The following TLN2 variants were observed in gnomAD, a reference collection of about 807,000 sequenced individuals.
TLN2 encodes the protein talin 2, also known as talin-2.
Under a neutral mutation model 294.7 loss-of-function variants are expected in TLN2, and 118 were observed. The ratio of observed to expected loss-of-function variants is 0.40; its 90% CI spans 0.34 to 0.47. The LOEUF (loss-of-function observed/expected upper bound fraction) is 0.47, where lower values mean the gene tolerates loss of function less well. Ranked by LOEUF, TLN2 falls within the 20% of genes least tolerant of loss-of-function variation. The probability of loss-of-function intolerance (pLI) is 0.84; values close to 1 mark genes in which losing one functional copy is unlikely to be tolerated. For missense variants in TLN2, 3,083 were observed against 3,282.2 expected, an observed-to-expected ratio of 0.94 and a Z score of 1.48; for synonymous variants, 1,431 against 1,304.5, an observed-to-expected ratio of 1.10 and a Z score of -2.09.
At chr15:62,545,365 C>T (rs2041933118) in intron 1 of TLN2, among the ~76,000 whole-genome samples, 2 of 152,104 alleles carry the variant, frequency 1.3e-5, no homozygotes, top group African/African-American at 4.8e-5. Context: ...AAAAAGTCCA[C>T]ATTTGTCTGT....
intron 1 of TLN2, among the ~76,000 whole-genome samples, chr15:62,586,295 ATTGC>A (rs767065683): frequency 7.5e-4 from 114 of 152,322 alleles, no homozygotes; most frequent in Non-Finnish European, 7.3e-4. Context: ...AAGTCTCATG[ATTGC>A]TCATCTCTGA....
chr15:62,484,780 C>G lies in TLN2; in HGVS notation c.-238+94095C>G, dbSNP rs1335980548. On this transcript the variant is annotated intron_variant, in intron 1 of 58. Transcript: ENST00000636159. ...GGCTTTGTGGGGCCAAGAGTGGACTCCAGGCTCCACTCACCTAACTTCTCA... is the reference window on the plus strand; with the variant it reads ...GGCTTTGTGGGGCCAAGAGTGGACTGCAGGCTCCACTCACCTAACTTCTCA... Among the ~76,000 whole-genome samples the G allele has an allele frequency of 5.3e-5, 8 of 152,168 alleles. No individual in the cohort carries two copies. The East Asian group carries it at 1.4e-3, about 26-fold the overall frequency.
chr15:62,736,109 G>A (rs1195591749), intron 28 of TLN2, among the ~76,000 whole-genome samples: 6 of 151,990 alleles, frequency 3.9e-5, no homozygotes, highest in Non-Finnish European at 8.8e-5. Context: ...TCAGGAGATC[G>A]AGACCATCCT....
intron 1 of TLN2, among the ~76,000 whole-genome samples, chr15:62,450,547 ATGTGTGTGTGTG>A (rs10591621): frequency 6.3e-4 from 86 of 136,140 alleles, no homozygotes; most frequent in African/African-American, 2.5e-3. Flanking sequence ...GTATGTATGT[ATGTGTGTGTGTG>A]TGTGTGTGTG....
chr15:62,460,872 T>C (rs1453469200), intron 1 of TLN2, among the ~76,000 whole-genome samples: 1 of 152,154 alleles, frequency 6.6e-6, no homozygotes, highest in African/African-American at 2.4e-5. Flanking sequence ...AGCCCCCTGA[T>C]ACCCCTGCTG....
chr15:62,734,109 AAC>A (rs2060877874), intron 28 of TLN2: 1 of 152,188 alleles, frequency 6.6e-6, no homozygotes, highest in Non-Finnish European at 1.5e-5. Context: ...CTTAGCAGAA[AAC>A]ACATGGGATG....
intron 10 of TLN2, among the ~76,000 whole-genome samples, chr15:62,674,386 G>T (rs2055875547): frequency 6.6e-6 from 1 of 152,148 alleles, no homozygotes. Context: ...AGTCTACTTT[G>T]ATCCTGAAAT....
At chr15:62,522,277 G>C (rs1876163071) in intron 1 of TLN2, among the ~76,000 whole-genome samples, 1 of 151,266 alleles carries the variant, frequency 6.6e-6, no homozygotes. Context: ...TTAGAGGGAA[G>C]ATACCAAGAA....
chr15:62,799,753 A>G (rs1003681537), intron 48 of TLN2, among the ~76,000 whole-genome samples: 13 of 152,224 alleles, frequency 8.5e-5, no homozygotes, highest in Admixed American at 6.5e-4. Context: ...AGTTTCAGCA[A>G]TTGTGGGAGT....
At position 62,639,400 on chromosome 15, in the gene TLN2, G is replaced by T. The variant is rs150803566; in HGVS notation, c.-36-7875G>T. Among the ~76,000 whole-genome samples the T allele has an allele frequency of 9.8e-5, 15 of 152,324 alleles. No individual in the cohort carries two copies. In the South Asian group the frequency reaches 1.0e-3, roughly 11 times the overall value. On this transcript the variant is annotated intron_variant, in intron 3 of 58. Coordinates refer to ENST00000636159, the MANE Select transcript of TLN2 (RefSeq NM_015059.3). ...GAATTCTTACTGACCTGTGTGGGCT[G>T]CTGCTAAGTTCACACTTGTGGGGGT...
intron 1 of TLN2, among the ~76,000 whole-genome samples, chr15:62,416,290 C>CT (rs1294495938): frequency 6.6e-6 from 1 of 152,156 alleles, no homozygotes; most frequent in African/African-American, 2.4e-5. Context: ...GAGCAAGACT[C>CT]TATCTCAAAC....
At chr15:62,739,277 A>G (rs2061189724) in intron 30 of TLN2, 71 bp from the exon 31 acceptor site, 11 of 1,519,134 alleles carry the variant, frequency 7.2e-6, no homozygotes, top group Non-Finnish European at 8.9e-6. Flanking sequence ...TCTCCCTTCC[A>G]CAATACCTTC....
chr15:62,665,910 C>T (rs1416395945), intron 9 of TLN2, among the ~76,000 whole-genome samples: 2 of 152,220 alleles, frequency 1.3e-5, no homozygotes, highest in African/African-American at 4.8e-5. Flanking sequence ...TAAAAAGCCA[C>T]TTGCGTACTT....
At chr15:62,779,606 C>T (rs2063972823) in intron 43 of TLN2, among the ~76,000 whole-genome samples, 1 of 152,234 alleles carries the variant, frequency 6.6e-6, no homozygotes. Flanking sequence ...CTGAGCTGCC[C>T]TTCAGCTCCA....
Position 62,529,940 on chromosome 15 carries a change from C to T in TLN2, c.-237-59747C>T, listed in dbSNP as rs1384587412. Among the ~76,000 whole-genome samples, 3 of 152,068 alleles carry T rather than the reference C, an allele frequency of 2.0e-5. No individual in the cohort carries two copies. In the East Asian group the frequency reaches 5.8e-4, roughly 29 times the overall value. The stretch of plus-strand genomic sequence containing the variant: ...GCACCAATGGCTCATGCCTGTAATC[C>T]CGGCACTTTGGGAGGCTAAGGGGGG... On this transcript the variant is annotated intron_variant, in intron 1 of 58. Transcript: ENST00000636159.
chr15:62,786,160 G>A (rs764818783), intron 45 of TLN2, among the ~76,000 whole-genome samples: 11 of 152,306 alleles, frequency 7.2e-5, no homozygotes, highest in Non-Finnish European at 1.2e-4. Context: ...AGAAGGTTAG[G>A]AGATCCCTGA....
rs375110493 is a variant in TLN2 at position 62,722,538 on chromosome 15, G to T, written c.3126+51G>T. On this transcript the variant is annotated intron_variant, in intron 26 of 58. Coordinates refer to ENST00000636159, the MANE Select transcript of TLN2 (RefSeq NM_015059.3). ...AACTTGTCAGGAAGGGAGCTGGGGT[G>T]GCATGGGTACCACCCAGGGCCTGAA... 24 of 1,568,620 alleles carry T rather than the reference G, an allele frequency of 1.5e-5. No homozygotes were observed. In the African/African-American group the frequency reaches 3.2e-4, roughly 21 times the overall value.
chr15:62,561,688 AT>A (rs2042972842), intron 1 of TLN2, among the ~76,000 whole-genome samples: 1 of 151,862 alleles, frequency 6.6e-6, no homozygotes, highest in Non-Finnish European at 1.5e-5. Flanking sequence ...CAAAAGGTGT[AT>A]CATCCCTTGC....
chr15:62,800,623 T>C, intron 49 of TLN2, 30 bp from the exon 50 acceptor site: 1 of 1,613,072 alleles, frequency 6.2e-7, no homozygotes, highest in Non-Finnish European at 8.5e-7. Context: ...GTCACTGCAC[T>C]ATCTGTATTC....
Sources: allele counts gnomAD v4.1 joint callset (sites outside exome capture counted in the v4.1 genomes callset), GRCh38; gene constraint gnomAD v4.1.1; transcripts MANE v1.5; gene names NCBI Gene and HGNC (gene_info 2026-07-23, HGNC 2026-07-21).